FGF9: variants seen among roughly 807,000 people sequenced by gnomAD.
FGF9 encodes the protein fibroblast growth factor 9.
FGF9 carries 3 observed loss-of-function variants against 19.9 expected under a neutral mutation model. The observed-to-expected ratio is 0.15, with a 90% CI of 0.07 to 0.39. The LOEUF (loss-of-function observed/expected upper bound fraction) is 0.39. FGF9 is among the 10% of genes least tolerant of loss of function. The pLI, the probability that FGF9 is intolerant of heterozygous loss-of-function variation, is 1.00. For synonymous variants in FGF9, 107 were observed against 106.9 expected (o/e 1.00, Z -0.01); for missense variants, 175 against 256.8 (o/e 0.68, Z 2.18).
intron 2 of FGF9, among the ~76,000 whole-genome samples, chr13:21,697,202 A>G (rs1872428614): frequency 6.6e-6 from 1 of 152,118 alleles, no homozygotes; most frequent in Admixed American, 6.5e-5. Flanking sequence ...CTGTTGCCCA[A>G]GCTATAGTGC....
At chr13:21,679,497 A>T (rs1276015417) in intron 1 of FGF9, among the ~76,000 whole-genome samples, 1 of 152,130 alleles carries the variant, frequency 6.6e-6, no homozygotes, top group Non-Finnish European at 1.5e-5. Flanking sequence ...TTTTTTTCTG[A>T]ACTCTTAAAT....
At chr13:21,698,083 C>T (rs1439363125) in intron 2 of FGF9, among the ~76,000 whole-genome samples, 1 of 152,230 alleles carries the variant, frequency 6.6e-6, no homozygotes, top group East Asian at 1.9e-4. Flanking sequence ...GCTGGGATTA[C>T]AGGCGTGAGC....
rs369630292 is a variant in FGF9 at position 21,682,914 on chromosome 13, A to G, written c.381+1769A>G. Among the ~76,000 whole-genome samples the G allele has an allele frequency of 1.8e-4, 27 of 152,314 alleles. No homozygotes were observed. The South Asian group carries it at 5.6e-3, about 32-fold the overall frequency. ...CTCAACATATGCATTTCAAATAAAT[A>G]TACTTAATTTGAGTATGCATCTCAA... is the stretch of plus-strand genomic sequence containing the variant. On this transcript the variant is annotated intron_variant, in intron 2 of 2. Transcript: ENST00000382353.
At chr13:21,675,939 TC>T (rs1201951980) in intron 1 of FGF9, among the ~76,000 whole-genome samples, 1 of 146,962 alleles carries the variant, frequency 6.8e-6, no homozygotes, top group Non-Finnish European at 1.5e-5. Context: ...TTTTTTTTTT[TC>T]CCCCTCGGAT....
chr13:21,678,378 TG>T (rs933727715), intron 1 of FGF9, among the ~76,000 whole-genome samples: 4 of 152,328 alleles, frequency 2.6e-5, no homozygotes, highest in African/African-American at 9.6e-5. Flanking sequence ...TCCAGTTGCT[TG>T]GGGGCTAATT....
Position 21,695,953 on chromosome 13 carries a change from T to A in FGF9, c.382-5237T>A, listed in dbSNP as rs1003324274. Among the ~76,000 whole-genome samples the A allele has an allele frequency of 4.6e-5, 7 of 152,254 alleles. No homozygotes were observed. In the South Asian group the frequency reaches 1.4e-3, roughly 31 times the overall value. On this transcript the variant is annotated intron_variant, in intron 2 of 2. Transcript: ENST00000382353. ...GGACAAAACGACACCACATGTTTATTAATATGGAAATTATGTTTTAAAATA... is the reference window on the plus strand; with the variant it reads ...GGACAAAACGACACCACATGTTTATAAATATGGAAATTATGTTTTAAAATA...
Position 21,701,491 on chromosome 13 carries a change from C to G in FGF9, c.*56C>G. ...AAAAGTAACCACTATAAAGGTTTCACGCGGTGGGTTCTTATTGATTCGCTG... is the reference window on the plus strand; with the variant it reads ...AAAAGTAACCACTATAAAGGTTTCAGGCGGTGGGTTCTTATTGATTCGCTG... On this transcript the variant is annotated 3_prime_UTR_variant, in exon 3 of 3. Coordinates refer to ENST00000382353, the MANE Select transcript of FGF9 (RefSeq NM_002010.3). The G allele has an allele frequency of 1.2e-6, 2 of 1,612,442 alleles. No individual in the cohort carries two copies. The highest frequency in any genetic ancestry group is 1.3e-5 in the African/African-American group (1 of 75,014).
intron 2 of FGF9, among the ~76,000 whole-genome samples, chr13:21,698,866 C>A (rs1872476343): frequency 6.6e-6 from 1 of 152,026 alleles, no homozygotes; most frequent in African/African-American, 2.4e-5. Flanking sequence ...TCATCCAATC[C>A]CATCTTTTGG....
chr13:21,679,219 A>G (rs1482398884), intron 1 of FGF9, among the ~76,000 whole-genome samples: 1 of 152,236 alleles, frequency 6.6e-6, no homozygotes. Context: ...TAAAATAATT[A>G]CATTAAGCAC....
rs1195708926 is a variant in FGF9, at chr13:21,703,671, C to T, written c.*2236C>T. ...GGCTGAAAAATATTAAACATTTGAC[C>T]ACAGGGAAGAATCAAGTTTCTAGGA... On this transcript the variant is annotated 3_prime_UTR_variant, in exon 3 of 3. Transcript: ENST00000382353. 3 of 151,626 alleles carry T rather than the reference C, an allele frequency of 2.0e-5. No individual in the cohort carries two copies. The highest frequency in any genetic ancestry group is 4.4e-5 in the Non-Finnish European group (3 of 67,966). The allele number at this position is 151,626 out of a possible 1,614,324, so 9.4% of individuals were successfully genotyped here.
Position 21,701,709 on chromosome 13 carries a change from ATGTGTGTGTGTGTGTGTGTG to A in FGF9, c.*286_*305del. 2.8e-6 allele frequency: 1 copy of A among 356,736 alleles called. No homozygotes were observed. The highest frequency in any genetic ancestry group is 5.4e-6 in the Non-Finnish European group (1 of 185,310). The allele number at this position is 356,736 out of a possible 1,614,324, so 22.1% of individuals were successfully genotyped here. A position where few individuals can be genotyped will look rare whatever the true frequency, so the allele number is the denominator to read the frequency against. On this transcript the variant is annotated 3_prime_UTR_variant, in exon 3 of 3. Coordinates refer to ENST00000382353, the MANE Select transcript of FGF9 (RefSeq NM_002010.3). ...GAGACTGAGCGCTAGGAGTGTGTGT[ATGTGTGTGTGTGTGTGTGTG>A]TGTGTGTGTGTATGTGTGTAGCGGG...
chr13:21,691,979 CT>C lies in FGF9; in HGVS notation c.382-9197del, dbSNP rs11439016. Reference sequence around the variant, plus strand: ...TGACATTAATTGATTCCCTTTTAATCTTTTTTTTTTTTTTGTAATTCTTCAT... The same window carrying C: ...TGACATTAATTGATTCCCTTTTAATCTTTTTTTTTTTTTGTAATTCTTCAT... On this transcript the variant is annotated intron_variant, in intron 2 of 2. Coordinates refer to ENST00000382353, the MANE Select transcript of FGF9 (RefSeq NM_002010.3). This position sits in a 1 kb window ranked among gnomAD's most constrained non-coding sequence, Gnocchi z 4.2. Among the ~76,000 whole-genome samples, 7,986 of 145,122 alleles carry C rather than the reference CT, an allele frequency of 0.055. 223 individuals carry two copies. The highest frequency in any genetic ancestry group is 0.077 in the African/African-American group (3,056 of 39,462).
intron 1 of FGF9, among the ~76,000 whole-genome samples, chr13:21,673,259 G>T (rs1871813172): frequency 6.6e-6 from 1 of 152,164 alleles, no homozygotes; most frequent in African/African-American, 2.4e-5. Flanking sequence ...AAAAAACAAA[G>T]TCCTCTGGTG....
At chr13:21,674,798 G>C (rs903700140) in intron 1 of FGF9, among the ~76,000 whole-genome samples, 2 of 151,572 alleles carry the variant, frequency 1.3e-5, no homozygotes, top group Admixed American at 6.6e-5. Context: ...CCACTGGAGA[G>C]AGCGCGGATG....
At position 21,671,885 on chromosome 13, in the gene FGF9, T is replaced by A; in HGVS notation, c.-28T>A. On this transcript the variant is annotated 5_prime_UTR_variant, in exon 1 of 3. Transcript: ENST00000382353. ...GGTTGACACCATCATTATTGTTTAT[T>A]CTTGTGCTCCAAAAGCCGAGTCCTC... 1 of 1,614,100 alleles carries A rather than the reference T, an allele frequency of 6.2e-7. No homozygotes were observed.
In FGF9 at chr13:21,671,137, A is replaced by G. The variant is rs1057013997; in HGVS notation, c.-776A>G. Among the ~76,000 whole-genome samples, 6 of 152,104 alleles carry G rather than the reference A, an allele frequency of 3.9e-5. No individual in the cohort carries two copies. Among genetic ancestry groups the G allele is most frequent in the African/African-American group, 1.4e-4 (6 of 41,424 alleles). On this transcript the variant is annotated 5_prime_UTR_variant, in exon 1 of 3. Transcript: ENST00000382353. Reference sequence around the variant, plus strand: ...CTCCGCCCGGCTACAACGCTCCGCGAGCCGGCGCGGCAACACCTGTTCGCG... The same window carrying G: ...CTCCGCCCGGCTACAACGCTCCGCGGGCCGGCGCGGCAACACCTGTTCGCG...
At chr13:21,679,542 A>G (rs1444729269) in intron 1 of FGF9, among the ~76,000 whole-genome samples, 1 of 152,098 alleles carries the variant, frequency 6.6e-6, no homozygotes, top group Non-Finnish European at 1.5e-5. Context: ...AAGTATTTTT[A>G]AAACAAGAAC....
At position 21,693,474 on chromosome 13, in the gene FGF9, C is replaced by G. The variant is rs530410520; in HGVS notation, c.382-7716C>G. On this transcript the variant is annotated intron_variant, in intron 2 of 2. Coordinates refer to ENST00000382353, the MANE Select transcript of FGF9 (RefSeq NM_002010.3). ...TCATATAGTGCCCAGGGATCCCTGG[C>G]ATCATTGATCTTCAGGGTGCGTTTT... 2.0e-5 allele frequency among the ~76,000 whole-genome samples: 3 copies of G among 152,236 alleles called. No homozygotes were observed. In the South Asian group the frequency reaches 6.2e-4, roughly 32 times the overall value.
chr13:21,672,418 T>C lies in FGF9; in HGVS notation c.277+229T>C, dbSNP rs1446008486. 6.6e-6 allele frequency among the ~76,000 whole-genome samples: 1 copy of C among 152,182 alleles called. No individual in the cohort carries two copies. Among genetic ancestry groups the C allele is most frequent in the African/African-American group, 2.4e-5 (1 of 41,440 alleles). On this transcript the variant is annotated intron_variant, in intron 1 of 2. Transcript: ENST00000382353. This position sits in a 1 kb window ranked among gnomAD's most constrained non-coding sequence, Gnocchi z 4.2. ...TGCAAGTATACACTGAAAGGCCCCC[T>C]ACTTTTAATTTAAAGGGGGGCATAA...
Sources: gnomAD v4.1 joint callset for allele counts (sites outside exome capture counted in the v4.1 genomes callset) on GRCh38, gnomAD v4.1.1 for gene constraint, Gnocchi (gnomAD v3.1) non-coding constraint, MANE v1.5 for transcripts, NCBI Gene and HGNC (gene_info 2026-07-23, HGNC 2026-07-21) for gene names.